The following CELF2 variants were observed in gnomAD, a reference collection of about 807,000 sequenced individuals.
CELF2 encodes CUGBP Elav-like family member 2, also known as CUG triplet repeat RNA-binding protein 2.
A neutral mutation model predicts 62.6 loss-of-function variants in CELF2; 8 were observed. That is an observed-to-expected ratio of 0.13 (90% CI 0.07 to 0.23). The LOEUF (loss-of-function observed/expected upper bound fraction) is 0.23. Among genes scored for constraint, CELF2 ranks in the 10% least tolerant of loss-of-function variants. The probability of loss-of-function intolerance (pLI) is 1.00; values close to 1 mark genes in which losing one functional copy is unlikely to be tolerated. For missense variants in CELF2, 333 were observed against 671.0 expected (o/e 0.50, Z 5.56); for synonymous variants, 258 against 250.0 (o/e 1.03, Z -0.30).
chr10:10,789,185 C>T, the CELF2 span: 1 of 152,124 alleles, frequency 6.6e-6, no homozygotes, highest in African/African-American at 2.4e-5. Flanking sequence ...TCTATGGTTC[C>T]TCTCTGGGGA....
chr10:11,144,588 TAA>T (rs570609919), intron 1 of CELF2, among the ~76,000 whole-genome samples: 7 of 141,174 alleles, frequency 5.0e-5, no homozygotes, highest in South Asian at 2.3e-4. Flanking sequence ...CTGTATTATT[TAA>T]AAAAAAAAAA....
the CELF2 span, among the ~76,000 whole-genome samples, chr10:10,623,977 C>G: frequency 6.6e-6 from 1 of 152,102 alleles, no homozygotes; most frequent in Non-Finnish European, 1.5e-5. Flanking sequence ...GAAGGGAGGG[C>G]CCATCTGATA....
intron 2 of CELF2, among the ~76,000 whole-genome samples, chr10:11,194,064 T>G (rs1443573002): frequency 6.6e-6 from 1 of 152,072 alleles, no homozygotes; most frequent in Non-Finnish European, 1.5e-5. Flanking sequence ...TTTAAAAATT[T>G]TTTATTTTAT....
the CELF2 span, among the ~76,000 whole-genome samples, chr10:10,727,057 G>A: frequency 1.3e-5 from 2 of 152,170 alleles, no homozygotes; most frequent in African/African-American, 2.4e-5. Flanking sequence ...CACTAGGACA[G>A]CACTAAGGGG....
chr10:11,320,278 A>G (rs1023604875), intron 10 of CELF2, among the ~76,000 whole-genome samples: 2 of 152,110 alleles, frequency 1.3e-5, no homozygotes, highest in Non-Finnish European at 2.9e-5. Context: ...AAGGGGAGAA[A>G]TCGAGTCTAC....
At chr10:10,678,749 T>C in the CELF2 span, among the ~76,000 whole-genome samples, 1 of 152,208 alleles carries the variant, frequency 6.6e-6, no homozygotes, top group African/African-American at 2.4e-5. Context: ...GGTGATTAAA[T>C]AGGGGGTGAG....
intron 2 of CELF2, among the ~76,000 whole-genome samples, chr10:10,956,875 A>C (rs983207263): frequency 1.3e-5 from 2 of 152,058 alleles, no homozygotes; most frequent in African/African-American, 2.4e-5. Context: ...TCAAGTCTGC[A>C]GTGAGCTATG....
chr10:11,094,540 GGCTTCCATA>G (rs1297658125), intron 1 of CELF2, among the ~76,000 whole-genome samples: 1 of 151,992 alleles, frequency 6.6e-6, no homozygotes, highest in Non-Finnish European at 1.5e-5. Context: ...TCGACAATAA[GGCTTCCATA>G]GCAACCAGCT....
At chr10:10,473,170 G>C in the CELF2 span, among the ~76,000 whole-genome samples, 1 of 151,918 alleles carries the variant, frequency 6.6e-6, no homozygotes, top group East Asian at 1.9e-4. Context: ...AATCATACAG[G>C]AGTAAGCTGG....
At chr10:11,109,504 T>C (rs191452846) in intron 1 of CELF2, among the ~76,000 whole-genome samples, 2 of 152,264 alleles carry the variant, frequency 1.3e-5, no homozygotes, top group South Asian at 2.1e-4. Context: ...CATGTTGTCA[T>C]TTTCACACGA....
chr10:10,952,247 C>T (rs1160766183), intron 2 of CELF2: 1 of 152,218 alleles, frequency 6.6e-6, no homozygotes, highest in Non-Finnish European at 1.5e-5. Flanking sequence ...ACTCATTATC[C>T]TTCCCCCCTG....
Position 11,257,647 on chromosome 10 carries a change from G to C in CELF2, c.404-91G>C, listed in dbSNP as rs904602117. 3.4e-6 allele frequency: 5 copies of C among 1,469,726 alleles called. No individual in the cohort carries two copies. The African/African-American group carries it at 7.0e-5, about 21-fold the overall frequency. 91.0% of individuals were successfully genotyped at this position (1,469,726 alleles called of 1,614,324 possible). A position where few individuals can be genotyped will look rare whatever the true frequency, so the allele number is the denominator to read the frequency against. On this transcript the variant is annotated intron_variant, in intron 4 of 12. Transcript: ENST00000633077. ...TGGGACACGTGCTTGGTCTCACATGGCTGGGGCCTGGTTTGATGGGGTAAT... is the reference window on the plus strand; with the variant it reads ...TGGGACACGTGCTTGGTCTCACATGCCTGGGGCCTGGTTTGATGGGGTAAT...
chr10:10,558,614 CA>C, the CELF2 span, among the ~76,000 whole-genome samples: 2 of 151,888 alleles, frequency 1.3e-5, no homozygotes, highest in East Asian at 3.9e-4. Context: ...GGAATGGTAC[CA>C]GTTCCTCCTT....
At chr10:10,818,789 G>C (rs1359785259) in intron 1 of CELF2, among the ~76,000 whole-genome samples, 1 of 152,082 alleles carries the variant, frequency 6.6e-6, no homozygotes, top group Non-Finnish European at 1.5e-5. Flanking sequence ...TGTTGACCAG[G>C]CTGGTCTCGA....
At chr10:11,208,639 T>A (rs2061026857) in intron 2 of CELF2, among the ~76,000 whole-genome samples, 1 of 152,122 alleles carries the variant, frequency 6.6e-6, no homozygotes, top group African/African-American at 2.4e-5. Context: ...GTCAGAGAAT[T>A]TGTTTCTGGC....
rs2083098647 is a variant in CELF2 at position 11,269,425 on chromosome 10, G to C, written c.619-1241G>C. ...TACCCAAGGTGATAAGGAAAAAAAT[G>C]CGTTTGTTTTCCAGAAAAGAGAAAC... On this transcript the variant is annotated intron_variant, in intron 6 of 12. Transcript: ENST00000633077. This position sits in a 1 kb window ranked among gnomAD's most constrained non-coding sequence, Gnocchi z 4.4. 6.6e-6 allele frequency among the ~76,000 whole-genome samples: 1 copy of C among 152,096 alleles called. No homozygotes were observed. The highest frequency in any genetic ancestry group is 2.4e-5 in the African/African-American group (1 of 41,410).
chr10:11,064,367 A>C (rs2067536105), intron 1 of CELF2, among the ~76,000 whole-genome samples: 1 of 152,206 alleles, frequency 6.6e-6, no homozygotes, highest in Non-Finnish European at 1.5e-5. Flanking sequence ...GTCTGTGGTT[A>C]TTACAACCAA....
At position 11,329,167 on chromosome 10, in the gene CELF2, G is replaced by A; in HGVS notation, c.*114G>A. On this transcript the variant is annotated 3_prime_UTR_variant, in exon 13 of 13. Transcript: ENST00000633077. This position sits in a 1 kb window ranked among gnomAD's most constrained non-coding sequence, Gnocchi z 5.5. ...GGACCACATTGCCAACTTTTACCAAGAGAGACGGTTATTTTTACAATAAGG... is the reference window on the plus strand; with the variant it reads ...GGACCACATTGCCAACTTTTACCAAAAGAGACGGTTATTTTTACAATAAGG... The A allele has an allele frequency of 8.8e-7, 1 of 1,142,094 alleles. No homozygotes were observed. The highest frequency in any genetic ancestry group is 1.8e-5 in the South Asian group (1 of 55,144). The allele number at this position is 1,142,094 out of a possible 1,614,324, so 70.7% of individuals were successfully genotyped here.
intron 2 of CELF2, among the ~76,000 whole-genome samples, chr10:10,935,822 C>G (rs2046323044): frequency 6.6e-6 from 1 of 152,100 alleles, no homozygotes; most frequent in Non-Finnish European, 1.5e-5. Flanking sequence ...TTTCTCCCTT[C>G]TCTGATATGC....
Sources: allele counts gnomAD v4.1 joint callset (sites outside exome capture counted in the v4.1 genomes callset), GRCh38; gene constraint gnomAD v4.1.1; non-coding constraint Gnocchi (gnomAD v3.1); transcripts MANE v1.5; gene names NCBI Gene and HGNC (gene_info 2026-07-23, HGNC 2026-07-21).